LAMA3: variants seen among roughly 807,000 people sequenced by gnomAD.
LAMA3 encodes the protein laminin subunit alpha 3, also known as laminin subunit alpha-3.
LAMA3 carries 281 observed loss-of-function variants against 402.0 expected under a neutral mutation model. The observed-to-expected ratio is 0.70, with a 90% CI of 0.63 to 0.77. The LOEUF (loss-of-function observed/expected upper bound fraction) is 0.77. Ranked by LOEUF, LAMA3 falls within the 30% of genes least tolerant of loss-of-function variation. The probability of loss-of-function intolerance (pLI) is 0.00; values close to 1 mark genes in which losing one functional copy is unlikely to be tolerated. For missense variants in LAMA3, 3,840 were observed against 4,215.5 expected (o/e 0.91, Z 2.47); for synonymous variants, 1,431 against 1,558.4 (o/e 0.92, Z 1.93).
intron 48 of LAMA3, 67 bp downstream of exon 48, chr18:23,901,390 T>C: frequency 7.4e-7 from 1 of 1,343,004 alleles, no homozygotes; most frequent in Non-Finnish European, 1.1e-6. Context: ...ATCTTTATTA[T>C]TAATAAAGTG....
intron 1 of LAMA3, among the ~76,000 whole-genome samples, chr18:23,705,808 G>T (rs2060879178): frequency 6.6e-6 from 1 of 152,154 alleles, no homozygotes; most frequent in Admixed American, 6.5e-5. Context: ...GTGAGCTACT[G>T]TGCCTGGCCT....
chr18:23,890,265 C>T, intron 42 of LAMA3, 148 bp downstream of exon 42: 1 of 686,250 alleles, frequency 1.5e-6, no homozygotes, highest in Non-Finnish European at 2.7e-6. Context: ...ACAATTCCAG[C>T]CAGCAAGCTG....
chr18:23,919,069 A>G (rs1206085102), intron 60 of LAMA3, among the ~76,000 whole-genome samples: 2 of 152,240 alleles, frequency 1.3e-5, no homozygotes, highest in African/African-American at 4.8e-5. Context: ...TACTACTCAT[A>G]TAATAAGAAA....
intron 32 of LAMA3, among the ~76,000 whole-genome samples, chr18:23,853,232 T>A (rs12955347): frequency 0.47 from 71,566 of 152,114 alleles, 19,093 homozygotes; most frequent in Non-Finnish European, 0.62. Flanking sequence ...AGGTTAAAAC[T>A]GGACTTTGAT....
intron 12 of LAMA3, among the ~76,000 whole-genome samples, chr18:23,785,678 G>A (rs1401807394): frequency 3.3e-5 from 5 of 152,142 alleles, no homozygotes; most frequent in African/African-American, 9.7e-5. Flanking sequence ...TTAAATGCCT[G>A]AATCCCATAC....
intron 74 of LAMA3, 55 bp downstream of exon 74, chr18:23,953,164 C>T (rs1401076721): frequency 6.2e-7 from 1 of 1,607,574 alleles, no homozygotes; most frequent in South Asian, 1.1e-5. Context: ...TCTGAACATT[C>T]ACTTCTTAAT....
At chr18:23,762,842 C>T (rs1240899655) in intron 7 of LAMA3, among the ~76,000 whole-genome samples, 1 of 143,868 alleles carries the variant, frequency 7.0e-6, no homozygotes, top group Non-Finnish European at 1.5e-5. Flanking sequence ...CTCAGCCTCC[C>T]AAGTAGTATA....
chr18:23,737,412 G>A (rs536992788), intron 2 of LAMA3, among the ~76,000 whole-genome samples: 7 of 152,242 alleles, frequency 4.6e-5, no homozygotes, highest in Admixed American at 2.0e-4. Flanking sequence ...ACCCCATTCC[G>A]TGGTGACCTT....
chr18:23,856,617 A>T (rs2064085787), intron 32 of LAMA3, among the ~76,000 whole-genome samples: 1 of 152,024 alleles, frequency 6.6e-6, no homozygotes, highest in African/African-American at 2.4e-5. Flanking sequence ...GTCTGCCCGG[A>T]TCTTCAGTTA....
Position 23,768,139 on chromosome 18 carries a change from A to C in LAMA3, c.1182+4616A>C, listed in dbSNP as rs189531128. ...AACAAAAAATTGACAAATGGGACCT[A>C]ATTAAACTAAAGAGCTTCTATACTA... is the stretch of plus-strand genomic sequence containing the variant. On this transcript the variant is annotated intron_variant, in intron 8 of 74. Transcript: ENST00000313654. 4.1e-5 allele frequency among the ~76,000 whole-genome samples: 6 copies of C among 147,128 alleles called. No individual in the cohort carries two copies. In the East Asian group the frequency reaches 9.8e-4, roughly 24 times the overall value.
At chr18:23,732,841 C>T (rs1354675546) in intron 2 of LAMA3, among the ~76,000 whole-genome samples, 1 of 152,050 alleles carries the variant, frequency 6.6e-6, no homozygotes, top group African/African-American at 2.4e-5. Context: ...GTTGTAAAGG[C>T]CACAAAACAT....
At chr18:23,910,660 G>A (rs1333711049) in intron 55 of LAMA3, among the ~76,000 whole-genome samples, 2 of 152,040 alleles carry the variant, frequency 1.3e-5, no homozygotes, top group African/African-American at 4.8e-5. Context: ...TAACAGACAT[G>A]GATAAGAATG....
At chr18:23,739,726 A>T (rs2061532361) in intron 2 of LAMA3, among the ~76,000 whole-genome samples, 1 of 152,242 alleles carries the variant, frequency 6.6e-6, no homozygotes, top group Non-Finnish European at 1.5e-5. Context: ...TACTTATGAA[A>T]AACAACAATA....
At chr18:23,905,498 G>T in intron 51 of LAMA3, 24 bp from the exon 52 acceptor site, 1 of 1,281,384 alleles carries the variant, frequency 7.8e-7, no homozygotes, top group Non-Finnish European at 1.1e-6. Flanking sequence ...ATTTGTTTAA[G>T]GCTGTTAAAT....
intron 60 of LAMA3, among the ~76,000 whole-genome samples, chr18:23,919,434 C>T (rs1453026785): frequency 6.6e-6 from 1 of 152,212 alleles, no homozygotes; most frequent in Non-Finnish European, 1.5e-5. Flanking sequence ...GGCTCCCGCC[C>T]TCCGGGATTT....
chr18:23,815,629 C>G lies in LAMA3; in HGVS notation c.2047+56C>G, dbSNP rs553755076. 6.7e-5 allele frequency: 77 copies of G among 1,145,250 alleles called. No homozygotes were observed. In the South Asian group the frequency reaches 9.1e-4, roughly 14 times the overall value. The allele number at this position is 1,145,250 out of a possible 1,614,324, so 70.9% of individuals were successfully genotyped here. On this transcript the variant is annotated intron_variant, in intron 17 of 74. Transcript: ENST00000313654. Reference sequence around the variant, plus strand: ...CACAGTGTTGATGGACAAAGATGGTCTAAATAACATTTCTTCTGAGTTTGT... The same window carrying G: ...CACAGTGTTGATGGACAAAGATGGTGTAAATAACATTTCTTCTGAGTTTGT...
At position 23,882,013 on chromosome 18, in the gene LAMA3, C is replaced by T. The variant is rs145159456; in HGVS notation, c.5190C>T (p.Ser1730=). ...ACTATGGCAACGCCGTCCACGGATC[C>T]TGCAGGGCCTGCCCATGTCCTCACA... ...EGYYGNAVHG[S]CRACPCPHTN... The change falls in exon 40 of 75, where the codon TCC becomes TCT. Residue 1730 remains serine, a synonymous_variant. Transcript: ENST00000313654. 2 of 1,613,770 alleles carry T rather than the reference C, an allele frequency of 1.2e-6. No homozygotes were observed. Among genetic ancestry groups the T allele is most frequent in the Non-Finnish European group, 1.7e-6 (2 of 1,179,714 alleles).
intron 2 of LAMA3, among the ~76,000 whole-genome samples, chr18:23,733,876 G>A (rs2061432023): frequency 6.6e-6 from 1 of 152,158 alleles, no homozygotes; most frequent in Non-Finnish European, 1.5e-5. Context: ...ACTTCCTGCT[G>A]ATCTACCGAA....
chr18:23,842,875 TA>T, intron 29 of LAMA3, 125 bp downstream of exon 29: 1 of 1,227,362 alleles, frequency 8.1e-7, no homozygotes, highest in Non-Finnish European at 1.2e-6. Context: ...GAAAAATGTT[TA>T]AATTTTACAG....
Sources: allele counts gnomAD v4.1 joint callset (sites outside exome capture counted in the v4.1 genomes callset), GRCh38; gene constraint gnomAD v4.1.1; transcripts MANE v1.5; gene names NCBI Gene and HGNC (gene_info 2026-07-23, HGNC 2026-07-21).